The following NEAT1 variants were observed in gnomAD, a reference collection of about 807,000 sequenced individuals.
NEAT1 encodes the protein nuclear paraspeckle assembly transcript 1.
At chr11:65,444,604 G>C (rs776038961) in exon 1 of NEAT1, 47 of 449,154 alleles carry the variant, frequency 1.0e-4, no homozygotes, top group African/African-American at 8.2e-4. Context: ...ACCCGCCGTG[G>C]GCCCAGGGGA....
At chr11:65,437,470 T>C (rs1288103550) in exon 1 of NEAT1, 1 of 152,060 alleles carries the variant, frequency 6.6e-6, no homozygotes, top group Non-Finnish European at 1.5e-5. Context: ...TATTAACTAT[T>C]GATCTGTCTA....
chr11:65,428,619 G>A (rs1397771603), exon 1 of NEAT1: 1 of 152,128 alleles, frequency 6.6e-6, no homozygotes, highest in African/African-American at 2.4e-5. Context: ...TTTGGAAATG[G>A]CAACAGGAAG....
At chr11:65,423,981 G>C (rs1343607464) in exon 1 of NEAT1, 4 of 152,294 alleles carry the variant, frequency 2.6e-5, no homozygotes, top group Non-Finnish European at 4.4e-5. Context: ...ATGGCGAGCA[G>C]ATGGAACCGG....
exon 1 of NEAT1, chr11:65,440,862 A>C (rs1286013717): frequency 1.3e-5 from 2 of 152,002 alleles, no homozygotes; most frequent in Non-Finnish European, 2.9e-5. Flanking sequence ...AAAAAAAAAA[A>C]AACCAAGAAG....
At chr11:65,442,604 C>T (rs1385985363) in exon 1 of NEAT1, 8 of 152,024 alleles carry the variant, frequency 5.3e-5, no homozygotes, top group African/African-American at 1.7e-4. Context: ...CTTTATCAGA[C>T]GAGTATGGTG....
At chr11:65,422,939 C>G (rs1856512680) in exon 1 of NEAT1, 1 of 152,588 alleles carries the variant, frequency 6.6e-6, no homozygotes, top group African/African-American at 2.4e-5. Flanking sequence ...GAGAAGGAAG[C>G]TTGGCAAGGA....
exon 1 of NEAT1, chr11:65,442,581 AT>A (rs1445035301): frequency 1.3e-5 from 2 of 152,210 alleles, no homozygotes; most frequent in East Asian, 3.9e-4. Flanking sequence ...TTCCATCTGT[AT>A]TTAAGAAAAG....
At chr11:65,424,392 A>T (rs892661149) in exon 1 of NEAT1, 1 of 152,160 alleles carries the variant, frequency 6.6e-6, no homozygotes, top group African/African-American at 2.4e-5. Context: ...CTTCAAGAAG[A>T]TCCCTAAGCT....
exon 1 of NEAT1, chr11:65,428,208 T>A (rs781201105): frequency 4.6e-5 from 7 of 152,252 alleles, no homozygotes; most frequent in Non-Finnish European, 8.8e-5. Flanking sequence ...TGGGCATGGC[T>A]GATCTTGTGC....
exon 1 of NEAT1, chr11:65,438,624 C>T (rs541383343): frequency 1.1e-4 from 16 of 152,144 alleles, no homozygotes; most frequent in Non-Finnish European, 2.4e-4. Flanking sequence ...TTCTAGGGGC[C>T]TCATATAAGT....
exon 1 of NEAT1, chr11:65,436,868 TCA>T (rs1437367032): frequency 5.3e-5 from 8 of 152,074 alleles, no homozygotes; most frequent in Non-Finnish European, 1.2e-4. Flanking sequence ...AAAAGTTTCC[TCA>T]GGAGGAATTC....
exon 1 of NEAT1, chr11:65,435,926 T>A (rs1856654225): frequency 6.6e-6 from 1 of 152,248 alleles, no homozygotes; most frequent in Admixed American, 6.5e-5. Context: ...GTGACATTTG[T>A]AAAAAGTGGT....
At chr11:65,423,713 C>T (rs1856527277) in exon 1 of NEAT1, 1 of 152,402 alleles carries the variant, frequency 6.6e-6, no homozygotes, top group South Asian at 2.1e-4. Flanking sequence ...CTCCCTTTAA[C>T]TTATCCATTC....
chr11:65,425,348 A>G (rs1464850558), exon 1 of NEAT1: 2 of 152,048 alleles, frequency 1.3e-5, no homozygotes. Flanking sequence ...GGCAGGGGAA[A>G]TGTCTTTACC....
exon 1 of NEAT1, chr11:65,426,126 A>G (rs1388709349): frequency 6.6e-6 from 1 of 152,210 alleles, no homozygotes; most frequent in Non-Finnish European, 1.5e-5. Flanking sequence ...TTGAATTGGT[A>G]AAGTAATACC....
chr11:65,444,872 G>A (rs1411526859), exon 1 of NEAT1: 1 of 225,532 alleles, frequency 4.4e-6, no homozygotes, highest in Non-Finnish European at 9.1e-6. Context: ...AGAATGGAAG[G>A]CGAGGCAGGC....
exon 1 of NEAT1, chr11:65,428,529 A>G (rs1031902117): frequency 6.6e-6 from 1 of 152,274 alleles, no homozygotes; most frequent in African/African-American, 2.4e-5. Context: ...CAGTGCGGGC[A>G]TGAAATGAAG....
chr11:65,435,414 T>C (rs1220661843), exon 1 of NEAT1: 1 of 152,226 alleles, frequency 6.6e-6, no homozygotes, highest in African/African-American at 2.4e-5. Context: ...TCATACAAGG[T>C]GTACTGTTAT....
exon 1 of NEAT1, chr11:65,423,421 C>T: frequency 6.6e-6 from 1 of 152,126 alleles, no homozygotes; most frequent in Non-Finnish European, 1.5e-5. Flanking sequence ...GGGGCCCAGG[C>T]CGGGCCCAGC....
Sources: allele counts gnomAD v4.1 joint callset, GRCh38; gene constraint gnomAD v4.1.1; transcripts MANE v1.5; gene names NCBI Gene and HGNC (gene_info 2026-07-23, HGNC 2026-07-21).